Variants in SNTG1 observed in about 807,000 individuals in gnomAD.
SNTG1 encodes syntrophin gamma 1.
SNTG1 carries 39 observed loss-of-function variants against 74.7 expected under a neutral mutation model. The ratio of observed to expected loss-of-function variants is 0.52; its 90% CI spans 0.40 to 0.68. SNTG1 has a LOEUF of 0.68. Ranked by LOEUF, SNTG1 falls within the 30% of genes least tolerant of loss-of-function variation. The probability of loss-of-function intolerance (pLI) is 0.00; values close to 1 mark genes in which losing one functional copy is unlikely to be tolerated. For missense variants in SNTG1, 685 were observed against 609.5 expected, an observed-to-expected ratio of 1.12 and a Z score of -1.30; for synonymous variants, 254 against 217.1, an observed-to-expected ratio of 1.17 and a Z score of -1.49.
intron 1 of SNTG1, among the ~76,000 whole-genome samples, chr8:50,046,829 A>G (rs376717938): frequency 1.3e-5 from 2 of 152,276 alleles, no homozygotes; most frequent in African/African-American, 4.8e-5. Context: ...AGCCTCCTTT[A>G]CTTTTACCTA....
intron 17 of SNTG1, among the ~76,000 whole-genome samples, chr8:50,733,058 T>C (rs1298419194): frequency 1.3e-5 from 2 of 151,952 alleles, no homozygotes; most frequent in Admixed American, 1.3e-4. Flanking sequence ...TAGTACCTGA[T>C]AGACAGTTTT....
chr8:50,142,088 G>A (rs2081679405), intron 1 of SNTG1, among the ~76,000 whole-genome samples: 1 of 151,898 alleles, frequency 6.6e-6, no homozygotes, highest in Admixed American at 6.6e-5. Context: ...CACTATAATT[G>A]TGTATGTTTG....
At chr8:50,126,211 G>A (rs1314740385) in intron 1 of SNTG1, among the ~76,000 whole-genome samples, 1 of 152,036 alleles carries the variant, frequency 6.6e-6, no homozygotes, top group Non-Finnish European at 1.5e-5. Flanking sequence ...GTTAAGTTTT[G>A]AAAGGGCCAC....
intron 1 of SNTG1, among the ~76,000 whole-genome samples, chr8:50,029,847 CT>C (rs1817595904): frequency 6.6e-6 from 1 of 151,840 alleles, no homozygotes; most frequent in South Asian, 2.1e-4. Context: ...TGATTTTTTT[CT>C]TTTGTGTATA....
chr8:50,329,679 C>G (rs1248710105), intron 2 of SNTG1, among the ~76,000 whole-genome samples: 1 of 152,034 alleles, frequency 6.6e-6, no homozygotes, highest in African/African-American at 2.4e-5. Context: ...ACTTCCATGC[C>G]TGCAATGTGA....
chr8:50,496,186 G>A (rs1215278825), intron 8 of SNTG1, among the ~76,000 whole-genome samples: 1 of 152,126 alleles, frequency 6.6e-6, no homozygotes, highest in Non-Finnish European at 1.5e-5. Context: ...ATGTCAAGTG[G>A]GATGAGTCCA....
intron 17 of SNTG1, among the ~76,000 whole-genome samples, chr8:50,714,970 G>A (rs539965492): frequency 6.6e-6 from 1 of 152,156 alleles, no homozygotes; most frequent in South Asian, 2.1e-4. Context: ...AACCGTAAAA[G>A]GTAGATACTT....
At chr8:50,063,022 T>C (rs530875783) in intron 1 of SNTG1, among the ~76,000 whole-genome samples, 187 of 152,330 alleles carry the variant, frequency 1.2e-3, no homozygotes, top group African/African-American at 4.2e-3. Flanking sequence ...TTACAAGATG[T>C]TTAAGATATA....
At chr8:50,130,878 G>A (rs951487360) in intron 1 of SNTG1, among the ~76,000 whole-genome samples, 1 of 152,178 alleles carries the variant, frequency 6.6e-6, no homozygotes, top group Non-Finnish European at 1.5e-5. Context: ...TTTAGGATGG[G>A]AAATAATGGT....
chr8:50,465,180 C>T (rs2093599138), intron 8 of SNTG1, among the ~76,000 whole-genome samples: 1 of 152,122 alleles, frequency 6.6e-6, no homozygotes, highest in African/African-American at 2.4e-5. Context: ...CCACAGCCTC[C>T]TCCCCTTGCT....
At chr8:50,779,004 G>C (rs56010108) in intron 18 of SNTG1, among the ~76,000 whole-genome samples, 3,019 of 152,222 alleles carry the variant, frequency 0.02, 94 homozygotes, top group African/African-American at 0.065. Flanking sequence ...TCAAAGATCA[G>C]ATAGTTGTAG....
intron 13 of SNTG1, among the ~76,000 whole-genome samples, chr8:50,650,713 A>T (rs1224870033): frequency 2.0e-5 from 3 of 151,862 alleles, no homozygotes; most frequent in South Asian, 2.1e-4. Context: ...TTATTTATTT[A>T]TTTTTTGAGA....
chr8:50,255,509 G>GT (rs1189371543), intron 2 of SNTG1, among the ~76,000 whole-genome samples: 1 of 152,134 alleles, frequency 6.6e-6, no homozygotes, highest in African/African-American at 2.4e-5. Context: ...CCAAAATCAA[G>GT]TTGCTGGCCA....
chr8:50,553,954 G>A (rs1191644088), intron 12 of SNTG1, among the ~76,000 whole-genome samples: 5 of 152,040 alleles, frequency 3.3e-5, no homozygotes, highest in African/African-American at 7.2e-5. Context: ...TGTTCCATGC[G>A]ATGTTGAGGC....
chr8:50,691,494 T>C (rs190537804), intron 15 of SNTG1, among the ~76,000 whole-genome samples: 3,805 of 152,322 alleles, frequency 0.025, 64 homozygotes, highest in Middle Eastern at 0.041. Context: ...ATTTTATTTA[T>C]CCTTCAGTTA....
intron 12 of SNTG1, among the ~76,000 whole-genome samples, chr8:50,580,754 T>G (rs112645055): frequency 2.5e-4 from 38 of 152,270 alleles, no homozygotes; most frequent in African/African-American, 8.2e-4. Context: ...CATGCTTAAC[T>G]GTGAGTCAAT....
At chr8:50,592,644 A>G (rs554793059) in intron 13 of SNTG1, among the ~76,000 whole-genome samples, 4 of 152,186 alleles carry the variant, frequency 2.6e-5, no homozygotes. Flanking sequence ...ACACATACTC[A>G]TATGTAAGCA....
Position 50,595,020 on chromosome 8 carries a change from A to ATGTGTGTG in SNTG1, c.849+4133_849+4140dup, listed in dbSNP as rs57799690. On this transcript the variant is annotated intron_variant, in intron 13 of 18. Transcript: ENST00000642720. ...TCATGAAATTTTAGCTTTATTGAAG[A>ATGTGTGTG]TGTGTGTGTGTGTGTGTGTGTGTGT... 4.6e-3 allele frequency among the ~76,000 whole-genome samples: 680 copies of ATGTGTGTG among 147,822 alleles called. 10 individuals carry two copies. Among genetic ancestry groups the ATGTGTGTG allele is most frequent in the African/African-American group, 0.015 (612 of 40,304 alleles).
At chr8:50,191,241 A>G (rs2083562215) in intron 2 of SNTG1, among the ~76,000 whole-genome samples, 1 of 147,566 alleles carries the variant, frequency 6.8e-6, no homozygotes, top group South Asian at 2.3e-4. Context: ...AGCATTACAT[A>G]CAGCCATTTG....
Sources: allele counts gnomAD v4.1 joint callset (sites outside exome capture counted in the v4.1 genomes callset), GRCh38; gene constraint gnomAD v4.1.1; transcripts MANE v1.5; gene names NCBI Gene and HGNC (gene_info 2026-07-23, HGNC 2026-07-21).